Variants in WDR47 observed in about 807,000 individuals in gnomAD.
WDR47 encodes WD repeat-containing protein 47.
In WDR47, 32 loss-of-function variants were observed where a neutral mutation model predicts 97.2. The ratio of observed to expected loss-of-function variants is 0.33; its 90% CI spans 0.25 to 0.44. The LOEUF (loss-of-function observed/expected upper bound fraction) is 0.44. WDR47 is among the 20% of genes least tolerant of loss of function. The pLI is 1.00. For missense variants in WDR47, 782 were observed against 1,102.3 expected (o/e 0.71, Z 4.11); for synonymous variants, 375 against 373.5 (o/e 1.00, Z -0.05).
At chr1:109,015,223 G>A (rs1661330019) in intron 3 of WDR47, among the ~76,000 whole-genome samples, 1 of 152,190 alleles carries the variant, frequency 6.6e-6, no homozygotes, top group South Asian at 2.1e-4. Context: ...TTCAACTTCT[G>A]ATAGTGATAG....
intron 7 of WDR47, among the ~76,000 whole-genome samples, chr1:108,997,881 A>G (rs533242423): frequency 2.0e-5 from 3 of 152,286 alleles, no homozygotes; most frequent in East Asian, 3.9e-4. Flanking sequence ...GAGATTCAAT[A>G]TAAGAAAGGA....
At chr1:108,981,675 A>C in intron 13 of WDR47, 58 bp downstream of exon 13, 2 of 1,503,480 alleles carry the variant, frequency 1.3e-6, no homozygotes, top group Non-Finnish European at 1.8e-6. Flanking sequence ...GAGAAGAAGT[A>C]GACTAGTCTA....
intron 8 of WDR47, chr1:108,992,221 A>G: frequency 1.2e-6 from 1 of 806,338 alleles, no homozygotes; most frequent in South Asian, 1.4e-5. Context: ...GACCTCTTAG[A>G]AAATTAAAAT....
chr1:108,986,700 T>TAA lies in WDR47; in HGVS notation c.1768-21_1768-20insTT, dbSNP rs61696019. On this transcript the variant is annotated intron_variant, in intron 9 of 14. Transcript: ENST00000369962. ...GTCATCCTATGGAAAGAATGAATAT[T>TAA]AGTTATCCTATTAAAAAAATGAATT... 1,547,024 of 1,552,670 alleles carry TAA rather than the reference T, an allele frequency of 1. 770,844 individuals carry two copies. Among genetic ancestry groups the TAA allele is most frequent in the East Asian group, 1 (44,221 of 44,222 alleles).
At chr1:109,041,082 A>C (rs1029775549) in intron 1 of WDR47, among the ~76,000 whole-genome samples, 2 of 151,222 alleles carry the variant, frequency 1.3e-5, no homozygotes, top group African/African-American at 4.8e-5. Context: ...AGAAGGAAAA[A>C]TCATCTGGTC....
chr1:109,030,927 A>G (rs1466381967), intron 1 of WDR47, among the ~76,000 whole-genome samples: 3 of 139,494 alleles, frequency 2.2e-5, no homozygotes, highest in African/African-American at 7.7e-5. Context: ...TTCTTCATTC[A>G]TAAAGTAAGG....
chr1:108,982,669 T>C lies in WDR47; in HGVS notation c.2206A>G (p.Asn736Asp). ...CTTTGACAATCGGTTGTATAAATGT[T>C]ACAATCCCCTGCTCCAGCACTTATT... ...ILISAGAGDC[N>D]IYTTDCQRGQ... The change falls in exon 12 of 15, where the codon AAC becomes GAC. Residue 736 changes from asparagine (N) to aspartate (D), a missense_variant. Coordinates refer to ENST00000369962, the MANE Select transcript of WDR47 (RefSeq NM_001142551.2). 3 of 1,614,004 alleles carry C rather than the reference T, an allele frequency of 1.9e-6. No individual in the cohort carries two copies. Among genetic ancestry groups the C allele is most frequent in the Non-Finnish European group, 2.5e-6 (3 of 1,179,988 alleles).
Position 109,010,987 on chromosome 1 carries a change from T to C in WDR47, c.1059A>G (p.Val353=), listed in dbSNP as rs975694307. 20 of 1,614,060 alleles carry C rather than the reference T, an allele frequency of 1.2e-5. No individual in the cohort carries two copies. Among genetic ancestry groups the C allele is most frequent in the Non-Finnish European group, 1.7e-5 (20 of 1,180,048 alleles). Residue 353 remains valine (V), a synonymous_variant, in exon 5 of 15, where the codon GTA becomes GTG. Transcript: ENST00000369962. ...GCATGAGACTTCTACTGAGGTTTTG[T>C]ACCCCTGGATAATGGAAGTTAGCAA... ...HSFANFHYPG[V]QNLSRSLMLE...
intron 1 of WDR47, among the ~76,000 whole-genome samples, chr1:109,024,549 G>C (rs935616807): frequency 6.6e-6 from 1 of 152,088 alleles, no homozygotes; most frequent in African/African-American, 2.4e-5. Flanking sequence ...CTTACCTGTA[G>C]GTCTGCTACA....
At chr1:108,979,558 A>C (rs1658186232) in intron 13 of WDR47, among the ~76,000 whole-genome samples, 1 of 152,150 alleles carries the variant, frequency 6.6e-6, no homozygotes, top group African/African-American at 2.4e-5. Context: ...AAAACAAAAG[A>C]AAAGATGCAG....
At chr1:109,013,640 A>C (rs1385169599) in intron 4 of WDR47, among the ~76,000 whole-genome samples, 1 of 152,216 alleles carries the variant, frequency 6.6e-6, no homozygotes, top group African/African-American at 2.4e-5. Context: ...CCAGCTATTT[A>C]TATATCTTGG....
chr1:109,001,951 C>T (rs1660234011), intron 7 of WDR47, among the ~76,000 whole-genome samples: 2 of 151,916 alleles, frequency 1.3e-5, no homozygotes, highest in East Asian at 1.9e-4. Context: ...CCCCTAGATC[C>T]GCAGTTACCC....
intron 1 of WDR47, among the ~76,000 whole-genome samples, chr1:109,039,218 AAAAG>A: frequency 6.6e-6 from 1 of 152,258 alleles, no homozygotes; most frequent in East Asian, 1.9e-4. Context: ...TATAGAACAC[AAAAG>A]AAAGGTTTTA....
chr1:108,993,325 CAAA>C (rs35638565), intron 8 of WDR47, among the ~76,000 whole-genome samples: 1 of 123,628 alleles, frequency 8.1e-6, no homozygotes, highest in Non-Finnish European at 1.7e-5. Flanking sequence ...GACACTGTCT[CAAA>C]AAAAAAAAAA....
chr1:108,972,420 A>G (rs922464113), intron 14 of WDR47, among the ~76,000 whole-genome samples: 3 of 152,118 alleles, frequency 2.0e-5, no homozygotes, highest in Admixed American at 6.5e-5. Flanking sequence ...CTCCAAAAAT[A>G]TAATTCAGCT....
intron 9 of WDR47, among the ~76,000 whole-genome samples, chr1:108,988,336 C>T (rs1209066798): frequency 6.7e-6 from 1 of 149,846 alleles, no homozygotes; most frequent in African/African-American, 2.4e-5. Context: ...GAAGTTCTAA[C>T]AAATAGAGTT....
At chr1:109,040,699 T>C (rs1283774187) in intron 1 of WDR47, among the ~76,000 whole-genome samples, 2 of 152,284 alleles carry the variant, frequency 1.3e-5, no homozygotes, top group African/African-American at 2.4e-5. Flanking sequence ...ATTCATTTCA[T>C]CTTCTTCCTA....
chr1:109,040,297 C>T (rs1460320412), intron 1 of WDR47, among the ~76,000 whole-genome samples: 2 of 152,168 alleles, frequency 1.3e-5, no homozygotes, highest in Admixed American at 1.3e-4. Context: ...TCTGAAACTG[C>T]AGCATACATT....
Position 109,028,698 on chromosome 1 carries a change from G to A in WDR47, c.-9-5177C>T, listed in dbSNP as rs572118006. On this transcript the variant is annotated intron_variant, in intron 1 of 14. Transcript: ENST00000369962. ...GATCTCCTGATCTCGTCATCCGCCCGCCTCAGCCTCCCAAAGTGCTGGGAT... is the reference window on the plus strand; with the variant it reads ...GATCTCCTGATCTCGTCATCCGCCCACCTCAGCCTCCCAAAGTGCTGGGAT... 2.5e-4 allele frequency among the ~76,000 whole-genome samples: 37 copies of A among 149,476 alleles called. 2 individuals are homozygous for A. The East Asian group carries it at 5.6e-3, about 23-fold the overall frequency.
Sources: allele counts gnomAD v4.1 joint callset (sites outside exome capture counted in the v4.1 genomes callset), GRCh38; gene constraint gnomAD v4.1.1; transcripts MANE v1.5; gene names NCBI Gene and HGNC (gene_info 2026-07-23, HGNC 2026-07-21).